NTNG1: variants seen among roughly 807,000 people sequenced by gnomAD.
The protein encoded by NTNG1 is netrin-G1.
Under a neutral mutation model 54.0 loss-of-function variants are expected in NTNG1, and 16 were observed. The observed-to-expected ratio is 0.30, with a 90% CI of 0.20 to 0.45. The LOEUF (loss-of-function observed/expected upper bound fraction) is 0.45. Ranked by LOEUF, NTNG1 falls within the 20% of genes least tolerant of loss-of-function variation. The pLI is 1.00. For missense variants in NTNG1, 530 were observed against 678.7 expected, an observed-to-expected ratio of 0.78 and a Z score of 2.43; for synonymous variants, 255 against 263.1, an observed-to-expected ratio of 0.97 and a Z score of 0.30.
At chr1:107,451,785 G>T (rs932122129) in intron 7 of NTNG1, among the ~76,000 whole-genome samples, 1 of 152,050 alleles carries the variant, frequency 6.6e-6, no homozygotes, top group Non-Finnish European at 1.5e-5. Context: ...AACATCATAG[G>T]TACCATATAA....
chr1:107,456,261 C>G (rs1027167734), intron 7 of NTNG1, among the ~76,000 whole-genome samples: 2 of 152,126 alleles, frequency 1.3e-5, no homozygotes, highest in Non-Finnish European at 2.9e-5. Context: ...GACTTGACAC[C>G]CTTCAACCCT....
chr1:107,243,181 C>T (rs1447189321), intron 2 of NTNG1, among the ~76,000 whole-genome samples: 4 of 152,102 alleles, frequency 2.6e-5, no homozygotes, highest in African/African-American at 7.2e-5. Flanking sequence ...GCAGCTATTC[C>T]TGTGCAGGCT....
intron 2 of NTNG1, among the ~76,000 whole-genome samples, chr1:107,196,860 C>G (rs12070178): frequency 0.045 from 6,758 of 151,756 alleles, 464 homozygotes; most frequent in African/African-American, 0.15. Context: ...TGTGCATTCT[C>G]CCAAATATCA....
intron 3 of NTNG1, among the ~76,000 whole-genome samples, chr1:107,380,596 TG>T (rs1343528255): frequency 6.6e-6 from 1 of 152,232 alleles, no homozygotes; most frequent in Non-Finnish European, 1.5e-5. Flanking sequence ...AGTTCAATAG[TG>T]CTAGCTAATT....
At chr1:107,232,915 G>A (rs1661167915) in intron 2 of NTNG1, among the ~76,000 whole-genome samples, 1 of 152,062 alleles carries the variant, frequency 6.6e-6, no homozygotes, top group African/African-American at 2.4e-5. Context: ...CTCAAATATT[G>A]GACTTTATTT....
intron 2 of NTNG1, among the ~76,000 whole-genome samples, chr1:107,193,159 C>A (rs1658083757): frequency 6.6e-6 from 1 of 151,976 alleles, no homozygotes; most frequent in Admixed American, 6.6e-5. Context: ...GATTTTCTCC[C>A]CAGGTATTCT....
At chr1:107,403,454 A>G (rs1673178694) in intron 4 of NTNG1, among the ~76,000 whole-genome samples, 1 of 152,146 alleles carries the variant, frequency 6.6e-6, no homozygotes, top group Non-Finnish European at 1.5e-5. Context: ...TTATACCTGT[A>G]ATCCCAGCAC....
At chr1:107,262,261 A>G (rs1452191103) in intron 2 of NTNG1, among the ~76,000 whole-genome samples, 1 of 152,226 alleles carries the variant, frequency 6.6e-6, no homozygotes, top group African/African-American at 2.4e-5. Flanking sequence ...ACAGGGACAC[A>G]TGAGTGGAGA....
At chr1:107,266,141 T>C (rs1044815574) in intron 2 of NTNG1, among the ~76,000 whole-genome samples, 1 of 152,184 alleles carries the variant, frequency 6.6e-6, no homozygotes, top group Non-Finnish European at 1.5e-5. Flanking sequence ...CTCCTATCAA[T>C]GTCTAATATG....
chr1:107,411,225 A>T (rs1673779952), intron 5 of NTNG1, among the ~76,000 whole-genome samples: 2 of 152,102 alleles, frequency 1.3e-5, no homozygotes, highest in East Asian at 1.9e-4. Context: ...ACAACAGTTC[A>T]CTTAAGGGAA....
At position 107,272,718 on chromosome 1, in the gene NTNG1, A is replaced by G. The variant is rs556457800; in HGVS notation, c.247-51564A>G. Reference sequence around the variant, plus strand: ...CATTCTGTATGTAAGAAAAGTTGTCAAGGGGCAATATTGAGGTTTAATAGT... The same window carrying G: ...CATTCTGTATGTAAGAAAAGTTGTCGAGGGGCAATATTGAGGTTTAATAGT... On this transcript the variant is annotated intron_variant, in intron 2 of 7. Transcript: ENST00000370068. 2.0e-5 allele frequency among the ~76,000 whole-genome samples: 3 copies of G among 152,316 alleles called. No individual in the cohort carries two copies. In the South Asian group the frequency reaches 6.2e-4, roughly 32 times the overall value.
Position 107,186,601 on chromosome 1 carries a change from A to G in NTNG1, c.246+37762A>G, listed in dbSNP as rs138539217. On this transcript the variant is annotated intron_variant, in intron 2 of 7. Coordinates refer to ENST00000370068, the MANE Select transcript of NTNG1 (RefSeq NM_001113226.3). ...TTTTGTCATTAAAAGTAAGGCATTA[A>G]AGTAAAGTACTAACTCTCCGGCCAC... 7.9e-5 allele frequency among the ~76,000 whole-genome samples: 12 copies of G among 152,204 alleles called. No homozygotes were observed. The East Asian group carries it at 2.3e-3, about 30-fold the overall frequency.
At chr1:107,363,981 A>T (rs541319421) in intron 3 of NTNG1, among the ~76,000 whole-genome samples, 2 of 152,278 alleles carry the variant, frequency 1.3e-5, no homozygotes, top group South Asian at 4.1e-4. Context: ...GATGCTGCAC[A>T]GTGCCCAGTG....
intron 7 of NTNG1, among the ~76,000 whole-genome samples, chr1:107,442,202 T>TA (rs2101424081): frequency 6.6e-6 from 1 of 152,286 alleles, no homozygotes; most frequent in African/African-American, 2.4e-5. Context: ...CACTTATTGG[T>TA]ACCATGGAGA....
In NTNG1 at chr1:107,204,794, C is replaced by T. The variant is rs78942936; in HGVS notation, c.246+55955C>T. On this transcript the variant is annotated intron_variant, in intron 2 of 7. Coordinates refer to ENST00000370068, the MANE Select transcript of NTNG1 (RefSeq NM_001113226.3). Reference sequence around the variant, plus strand: ...TCTGACTGTTTCCCTGCCTCCTACCCGCACCCCTGCAATCTCTGTACATAC... The same window carrying T: ...TCTGACTGTTTCCCTGCCTCCTACCTGCACCCCTGCAATCTCTGTACATAC... 1.0e-3 allele frequency among the ~76,000 whole-genome samples: 153 copies of T among 152,198 alleles called. 4 individuals carry two copies. The East Asian group carries it at 0.026, about 26-fold the overall frequency.
chr1:107,358,594 A>T (rs1442224855), intron 3 of NTNG1, among the ~76,000 whole-genome samples: 1 of 152,012 alleles, frequency 6.6e-6, no homozygotes, highest in Non-Finnish European at 1.5e-5. Flanking sequence ...AAAAGCCTAA[A>T]TTTTAGTGTA....
chr1:107,361,383 A>AT (rs1167535366), intron 3 of NTNG1, among the ~76,000 whole-genome samples: 18 of 68,082 alleles, frequency 2.6e-4, no homozygotes, highest in African/African-American at 7.8e-4. Flanking sequence ...ACATATATAT[A>AT]TATATATATT....
chr1:107,318,386 G>T (rs1294221652), intron 2 of NTNG1, among the ~76,000 whole-genome samples: 1 of 152,012 alleles, frequency 6.6e-6, no homozygotes, highest in African/African-American at 2.4e-5. Context: ...AAGCACAGAG[G>T]TAGTGTTGCT....
chr1:107,341,424 A>G (rs1452954251), intron 3 of NTNG1, among the ~76,000 whole-genome samples: 1 of 152,108 alleles, frequency 6.6e-6, no homozygotes, highest in Non-Finnish European at 1.5e-5. Context: ...AGAGATTCCC[A>G]TGAAAATTAA....
Sources: allele counts gnomAD v4.1 joint callset (sites outside exome capture counted in the v4.1 genomes callset), GRCh38; gene constraint gnomAD v4.1.1; transcripts MANE v1.5; gene names NCBI Gene and HGNC (gene_info 2026-07-23, HGNC 2026-07-21).